The following TRDN variants were observed in gnomAD, a reference collection of about 807,000 sequenced individuals.
TRDN encodes triadin, also known as triadin in skeletal muscle.
Under a neutral mutation model 149.7 loss-of-function variants are expected in TRDN, and 161 were observed. The observed-to-expected ratio is 1.08, with a 90% CI of 0.95 to 1.23. TRDN has a LOEUF of 1.23. TRDN is among the 50% of genes most tolerant of loss of function. The pLI, the probability that TRDN is intolerant of heterozygous loss-of-function variation, is 0.00. For synonymous variants in TRDN, 294 were observed against 250.5 expected, an observed-to-expected ratio of 1.17 and a Z score of -1.64; for missense variants, 896 against 823.5, an observed-to-expected ratio of 1.09 and a Z score of -1.08.
At chr6:123,257,177 A>C (rs1402984188) in intron 35 of TRDN, among the ~76,000 whole-genome samples, 1 of 151,838 alleles carries the variant, frequency 6.6e-6, no homozygotes, top group Non-Finnish European at 1.5e-5. Flanking sequence ...ACAGAGTTTC[A>C]CCATGTTGGC....
At chr6:123,327,422 ATC>A (rs1257345179) in intron 23 of TRDN, among the ~76,000 whole-genome samples, 1 of 152,112 alleles carries the variant, frequency 6.6e-6, no homozygotes, top group Non-Finnish European at 1.5e-5. Flanking sequence ...TTTTATATGA[ATC>A]TATACATTAC....
chr6:123,445,391 C>A (rs1300382677), intron 10 of TRDN, among the ~76,000 whole-genome samples: 1 of 127,060 alleles, frequency 7.9e-6, no homozygotes, highest in African/African-American at 3.5e-5. Flanking sequence ...CAAATGGGAT[C>A]TAATTAAACT....
At chr6:123,618,714 C>G (rs1275751284) in intron 1 of TRDN, among the ~76,000 whole-genome samples, 2 of 152,178 alleles carry the variant, frequency 1.3e-5, no homozygotes, top group African/African-American at 4.8e-5. Context: ...ATCCATGGCT[C>G]ACAACCGTGT....
chr6:123,230,614 C>A (rs777157514), intron 38 of TRDN, among the ~76,000 whole-genome samples: 2 of 151,670 alleles, frequency 1.3e-5, no homozygotes, highest in Admixed American at 6.6e-5. Context: ...ATATTCAACA[C>A]CCTTATCATA....
chr6:123,536,965 T>G (rs902284154), intron 4 of TRDN, among the ~76,000 whole-genome samples: 52 of 152,028 alleles, frequency 3.4e-4, no homozygotes, highest in African/African-American at 1.2e-3. Context: ...AATTTTTTCA[T>G]GTACTGTTTT....
intron 9 of TRDN, among the ~76,000 whole-genome samples, chr6:123,482,042 C>T (rs1419391503): frequency 6.6e-6 from 1 of 152,188 alleles, no homozygotes; most frequent in Non-Finnish European, 1.5e-5. Context: ...TAATACCTCC[C>T]TTCCGCTTTG....
intron 38 of TRDN, among the ~76,000 whole-genome samples, chr6:123,247,948 A>T (rs934872603): frequency 6.6e-6 from 1 of 152,106 alleles, no homozygotes; most frequent in Non-Finnish European, 1.5e-5. Flanking sequence ...AACACCACAC[A>T]TCTACAACCA....
At chr6:123,287,485 C>T (rs572937923) in intron 24 of TRDN, among the ~76,000 whole-genome samples, 8 of 152,182 alleles carry the variant, frequency 5.3e-5, no homozygotes, top group African/African-American at 9.6e-5. Context: ...GTTTGATAAC[C>T]GTAGTTGCTT....
At chr6:123,338,803 C>T (rs1335637459) in intron 21 of TRDN, among the ~76,000 whole-genome samples, 1 of 152,086 alleles carries the variant, frequency 6.6e-6, no homozygotes, top group Non-Finnish European at 1.5e-5. Flanking sequence ...AGTTAATCAA[C>T]AAAGAGCAAA....
chr6:123,281,271 C>A (rs1459780356), intron 24 of TRDN, among the ~76,000 whole-genome samples: 1 of 151,792 alleles, frequency 6.6e-6, no homozygotes, highest in Admixed American at 6.6e-5. Context: ...GGCTGAGAAC[C>A]TTTTGTTAAT....
At chr6:123,368,655 A>T (rs1741984974) in intron 19 of TRDN, among the ~76,000 whole-genome samples, 1 of 151,894 alleles carries the variant, frequency 6.6e-6, no homozygotes, top group South Asian at 2.1e-4. Context: ...AAAACTAGAA[A>T]CTCCACTTCT....
chr6:123,592,378 G>C (rs532323088), intron 1 of TRDN, among the ~76,000 whole-genome samples: 6 of 152,198 alleles, frequency 3.9e-5, no homozygotes, highest in African/African-American at 1.4e-4. Context: ...AAAAATAAAT[G>C]AAAAATGAGA....
intron 23 of TRDN, among the ~76,000 whole-genome samples, chr6:123,327,806 A>G (rs910086214): frequency 1.3e-5 from 2 of 152,120 alleles, no homozygotes; most frequent in Non-Finnish European, 2.9e-5. Flanking sequence ...TTCAATTCTT[A>G]TACCTTTTCT....
chr6:123,598,380 G>A (rs1399387686), intron 1 of TRDN, among the ~76,000 whole-genome samples: 2 of 151,820 alleles, frequency 1.3e-5, no homozygotes, highest in Non-Finnish European at 2.9e-5. Context: ...CATATTTAAG[G>A]CCCTGTATAT....
At chr6:123,235,268 A>T (rs1266988493) in intron 38 of TRDN, among the ~76,000 whole-genome samples, 1 of 152,040 alleles carries the variant, frequency 6.6e-6, no homozygotes, top group Non-Finnish European at 1.5e-5. Context: ...TCATCAGCTA[A>T]AGTTATGAGG....
intron 38 of TRDN, among the ~76,000 whole-genome samples, chr6:123,236,656 A>G (rs1775798931): frequency 6.6e-6 from 1 of 152,194 alleles, no homozygotes. Flanking sequence ...CAAAAAATAC[A>G]TAGATGTCCA....
intron 12 of TRDN, among the ~76,000 whole-genome samples, chr6:123,423,729 A>C (rs559375422): frequency 2.0e-5 from 3 of 152,252 alleles, no homozygotes; most frequent in African/African-American, 7.2e-5. Flanking sequence ...AAATACCTTT[A>C]AACTTCTACC....
At chr6:123,537,442 AATG>A (rs1317267340) in intron 4 of TRDN, among the ~76,000 whole-genome samples, 3 of 152,152 alleles carry the variant, frequency 2.0e-5, no homozygotes, top group African/African-American at 7.2e-5. Flanking sequence ...TTTCAAGTAT[AATG>A]GAGAATTTTC....
intron 24 of TRDN, among the ~76,000 whole-genome samples, chr6:123,313,797 G>T (rs577643880): frequency 6.6e-6 from 1 of 152,004 alleles, no homozygotes; most frequent in Non-Finnish European, 1.5e-5. Flanking sequence ...CTAGCCATAT[G>T]CAGAAAATTG....
Sources: allele counts gnomAD v4.1 joint callset (sites outside exome capture counted in the v4.1 genomes callset), GRCh38; gene constraint gnomAD v4.1.1; transcripts MANE v1.5; gene names NCBI Gene and HGNC (gene_info 2026-07-23, HGNC 2026-07-21).